SMAGP: variants seen among roughly 807,000 people sequenced by gnomAD.
The protein encoded by SMAGP is small cell adhesion glycoprotein.
SMAGP carries 7 observed loss-of-function variants against 10.1 expected under a neutral mutation model. That is an observed-to-expected ratio of 0.70 (90% confidence interval 0.40 to 1.31). The LOEUF (loss-of-function observed/expected upper bound fraction) is 1.31. SMAGP is among the 50% of genes most tolerant of loss of function. The pLI is 0.01. For missense variants in SMAGP, 113 were observed against 116.5 expected (o/e 0.97, Z 0.14); for synonymous variants, 49 against 47.2 (o/e 1.04, Z -0.16).
intron 2 of SMAGP, among the ~76,000 whole-genome samples, chr12:51,254,885 TG>T (rs955356468): frequency 6.6e-6 from 1 of 151,920 alleles, no homozygotes; most frequent in Non-Finnish European, 1.5e-5. Flanking sequence ...GGCCCCTGAG[TG>T]GGAGTAACGG....
At chr12:51,269,100 C>G in intron 2 of SMAGP, 145 bp downstream of exon 2, 1 of 813,118 alleles carries the variant, frequency 1.2e-6, no homozygotes. Flanking sequence ...ACTCTAGTTC[C>G]TGCTTCCTCC....
chr12:51,253,659 G>C (rs546075718), intron 2 of SMAGP: 1 of 152,338 alleles, frequency 6.6e-6, no homozygotes, highest in African/African-American at 2.4e-5. Flanking sequence ...GATGAACCTT[G>C]AGGACATGAC....
Position 51,248,898 on chromosome 12 carries a change from CACAAAAAAAAA to C in SMAGP, c.35-2078_35-2068del, listed in dbSNP as rs1210868513. ...GAAATCCTGTCTCTACCAAAAATAC[CACAAAAAAAAA>C]AAAAAAAAAAAAAAAAAAAAAATAG... On this transcript the variant is annotated intron_variant, in intron 2 of 3. Coordinates refer to ENST00000603798, the MANE Select transcript of SMAGP (RefSeq NM_001031628.2). 9.1e-3 allele frequency among the ~76,000 whole-genome samples: 492 copies of C among 53,786 alleles called. 3 individuals are homozygous for C. The highest frequency in any genetic ancestry group is 0.044 in the African/African-American group (453 of 10,384). The allele number at this position is 53,786 out of a possible 152,430, so 35.3% of individuals were successfully genotyped here.
intron 2 of SMAGP, among the ~76,000 whole-genome samples, chr12:51,268,566 C>T (rs1944996971): frequency 9.5e-6 from 1 of 104,978 alleles, no homozygotes; most frequent in East Asian, 3.0e-4. Context: ...TCCTTCCTTC[C>T]TTCCTTCCTT....
At chr12:51,270,043 G>C (rs934204653) in intron 1 of SMAGP, 1 of 149,744 alleles carries the variant, frequency 6.7e-6, no homozygotes. Flanking sequence ...CCCCCGCCCC[G>C]AGCCCCCCGC....
intron 2 of SMAGP, among the ~76,000 whole-genome samples, chr12:51,247,744 A>G (rs982361788): frequency 6.6e-6 from 1 of 152,172 alleles, no homozygotes; most frequent in Non-Finnish European, 1.5e-5. Context: ...TCCCATAAAC[A>G]GCAACACTCA....
intron 2 of SMAGP, among the ~76,000 whole-genome samples, chr12:51,263,354 G>C (rs939306635): frequency 2.6e-5 from 4 of 151,486 alleles, no homozygotes; most frequent in Non-Finnish European, 5.9e-5. Flanking sequence ...CTACACTCCA[G>C]CCTGGGTGAC....
At chr12:51,259,300 G>C (rs1944913151) in intron 2 of SMAGP, among the ~76,000 whole-genome samples, 1 of 152,170 alleles carries the variant, frequency 6.6e-6, no homozygotes, top group Non-Finnish European at 1.5e-5. Context: ...TTTTTGTACA[G>C]ATGGAGTCTT....
At chr12:51,250,815 C>T (rs1944831000) in intron 2 of SMAGP, among the ~76,000 whole-genome samples, 1 of 152,096 alleles carries the variant, frequency 6.6e-6, no homozygotes, top group African/African-American at 2.4e-5. Flanking sequence ...AACCTGGTGA[C>T]TTGCTTTTAA....
chr12:51,269,445 C>T, intron 1 of SMAGP, 129 bp from the exon 2 acceptor site: 5 of 664,544 alleles, frequency 7.5e-6, no homozygotes, highest in Non-Finnish European at 1.3e-5. Flanking sequence ...TTGTCCTCTT[C>T]TGGTTTCCCT....
At chr12:51,248,908 A>C (rs1944810454) in intron 2 of SMAGP, among the ~76,000 whole-genome samples, 2 of 29,886 alleles carry the variant, frequency 6.7e-5, no homozygotes, top group African/African-American at 1.6e-4. Flanking sequence ...CACAAAAAAA[A>C]AAAAAAAAAA....
intron 1 of SMAGP, chr12:51,269,519 A>T: frequency 1.8e-6 from 1 of 548,612 alleles, no homozygotes; most frequent in South Asian, 2.1e-5. Flanking sequence ...GGCCGCATGC[A>T]GTTTGACGGG....
intron 1 of SMAGP, chr12:51,269,952 G>C (rs557800172): frequency 1.1e-4 from 17 of 149,492 alleles, no homozygotes; most frequent in African/African-American, 3.9e-4. Context: ...GCGCCCCGGA[G>C]ATCCTCGACG....
At chr12:51,266,203 C>T (rs1327568259) in intron 2 of SMAGP, among the ~76,000 whole-genome samples, 1 of 152,082 alleles carries the variant, frequency 6.6e-6, no homozygotes. Flanking sequence ...AAGAAAATTC[C>T]AGAAAGGAAC....
chr12:51,252,632 C>T (rs1413326239), intron 2 of SMAGP, among the ~76,000 whole-genome samples: 2 of 152,132 alleles, frequency 1.3e-5, no homozygotes, highest in Admixed American at 1.3e-4. Flanking sequence ...CTCAGGTGAT[C>T]CGCCCTCCTC....
At position 51,246,888 on chromosome 12, in the gene SMAGP, A is replaced by G. The variant is rs149526777; in HGVS notation, c.35-57T>C. ...GGAGTGAATTCTTTTGTTTGAAAGC[A>G]TATGTTTGGCCTTCAAATTTCACCA... On this transcript the variant is annotated intron_variant, in intron 2 of 3. Transcript: ENST00000603798. The G allele has an allele frequency of 4.3e-3, 5,869 of 1,379,014 alleles. 16 individuals are homozygous for G. The highest frequency in any genetic ancestry group is 5.1e-3 in the Non-Finnish European group (5,273 of 1,023,970). 85.4% of individuals were successfully genotyped at this position (1,379,014 alleles called of 1,614,324 possible).
At chr12:51,260,341 A>G (rs994851465) in intron 2 of SMAGP, among the ~76,000 whole-genome samples, 1 of 149,960 alleles carries the variant, frequency 6.7e-6, no homozygotes, top group African/African-American at 2.5e-5. Context: ...ACAGGTGTGC[A>G]CCAGCACAGC....
chr12:51,261,873 T>C (rs549763923), intron 2 of SMAGP, among the ~76,000 whole-genome samples: 1 of 151,528 alleles, frequency 6.6e-6, no homozygotes, highest in African/African-American at 2.4e-5. Context: ...ACAGGATACA[T>C]GGTTAGATGA....
At chr12:51,251,540 G>C (rs930712070) in intron 2 of SMAGP, 4 of 151,172 alleles carry the variant, frequency 2.6e-5, no homozygotes, top group Non-Finnish European at 5.9e-5. Flanking sequence ...GCAGTGAGCT[G>C]TGATTGTGCC....
Sources: gnomAD v4.1 joint callset for allele counts (sites outside exome capture counted in the v4.1 genomes callset) on GRCh38, gnomAD v4.1.1 for gene constraint, MANE v1.5 for transcripts, NCBI Gene and HGNC (gene_info 2026-07-23, HGNC 2026-07-21) for gene names.